Variants in RMND5B observed in about 807,000 individuals in gnomAD.
RMND5B encodes required for meiotic nuclear division 5 homolog B.
In RMND5B, 42 loss-of-function variants were observed where a neutral mutation model predicts 50.4. The observed-to-expected ratio is 0.83, with a 90% confidence interval of 0.65 to 1.08. The LOEUF (loss-of-function observed/expected upper bound fraction) is 1.08. RMND5B is among the 50% of genes least tolerant of loss of function. RMND5B has a pLI of 0.00. For synonymous variants in RMND5B, 220 were observed against 210.0 expected (o/e 1.05, Z -0.41); for missense variants, 463 against 508.5 (o/e 0.91, Z 0.86).
intron 7 of RMND5B, among the ~76,000 whole-genome samples, chr5:178,144,967 T>C (rs1755913051): frequency 6.6e-6 from 1 of 152,218 alleles, no homozygotes; most frequent in African/African-American, 2.4e-5. Flanking sequence ...TAGTAACCTG[T>C]ACTAACTTGT....
At position 178,138,054 on chromosome 5, in the gene RMND5B, G is replaced by T; in HGVS notation, c.-12-54G>T. ...TCTGAAGAGGTGGTCTGGGCACCCT[G>T]CCTGCCATGCCACCGTGGCCCAGAT... On this transcript the variant is annotated intron_variant, in intron 2 of 10. Transcript: ENST00000313386. The surrounding 1 kb of genome is among the most constrained non-coding windows in gnomAD (Gnocchi z 5.1). The T allele has an allele frequency of 6.6e-7, 1 of 1,516,882 alleles. No individual in the cohort carries two copies. Among genetic ancestry groups the T allele is most frequent in the Non-Finnish European group, 8.9e-7 (1 of 1,127,240 alleles). The allele number at this position is 1,516,882 out of a possible 1,614,324, so 94.0% of individuals were successfully genotyped here.
chr5:178,135,977 T>C (rs972771237), intron 2 of RMND5B: 1 of 152,260 alleles, frequency 6.6e-6, no homozygotes, highest in Non-Finnish European at 1.5e-5. Flanking sequence ...TAATGGTTGC[T>C]GTACACTCAT....
intron 3 of RMND5B, among the ~76,000 whole-genome samples, chr5:178,141,045 C>A (rs1758908472): frequency 6.6e-6 from 1 of 152,146 alleles, no homozygotes; most frequent in Non-Finnish European, 1.5e-5. Context: ...CTTCTCCTTT[C>A]ATTATTATCA....
intron 7 of RMND5B, among the ~76,000 whole-genome samples, chr5:178,144,595 C>T (rs543906873): frequency 2.0e-5 from 3 of 151,922 alleles, no homozygotes; most frequent in Non-Finnish European, 4.4e-5. Flanking sequence ...ATTAGCTGGG[C>T]GTTGTGGCGG....
At chr5:178,143,585 A>G in intron 5 of RMND5B, 42 bp from the exon 6 acceptor site, 1 of 1,453,702 alleles carries the variant, frequency 6.9e-7, no homozygotes, top group South Asian at 1.1e-5. Flanking sequence ...CTTTGGAAAC[A>G]CCATCTTCCA....
intron 2 of RMND5B, among the ~76,000 whole-genome samples, chr5:178,134,948 A>C (rs1389701503): frequency 6.7e-6 from 1 of 148,650 alleles, no homozygotes; most frequent in Non-Finnish European, 1.5e-5. Context: ...ACTGTATTCC[A>C]GCCTGGGCAA....
chr5:178,144,151 C>A, intron 7 of RMND5B, 43 bp downstream of exon 7: 4 of 1,595,668 alleles, frequency 2.5e-6, no homozygotes, highest in Non-Finnish European at 2.6e-6. Context: ...TGGCCTGACA[C>A]ATGTCTGGAT....
In RMND5B at chr5:178,137,823, G is replaced by A. The variant is rs116648334; in HGVS notation, c.-12-285G>A. The stretch of plus-strand genomic sequence containing the variant: ...TAAAAGGGAGATGAACAAAAATTAA[G>A]GCATGAAAAGAGTTGAAAATGGAAT... On this transcript the variant is annotated intron_variant, in intron 2 of 10. Coordinates refer to ENST00000313386, the MANE Select transcript of RMND5B (RefSeq NM_022762.5). This position sits in a 1 kb window ranked among gnomAD's most constrained non-coding sequence, Gnocchi z 4.4. Among the ~76,000 whole-genome samples the A allele has an allele frequency of 0.021, 3,133 of 152,118 alleles. 39 individuals carry two copies. The highest frequency in any genetic ancestry group is 0.061 in the Middle Eastern group (18 of 294).
chr5:178,149,372 G>C lies in RMND5B; in HGVS notation c.*1340G>C, dbSNP rs1756199611. ...ACCCTCTGAGTCCTTTGGGCTCTCTGCTGAGGAAGACTGCTTCACTCTTCC... is the reference window on the plus strand; with the variant it reads ...ACCCTCTGAGTCCTTTGGGCTCTCTCCTGAGGAAGACTGCTTCACTCTTCC... On this transcript the variant is annotated 3_prime_UTR_variant, in exon 11 of 11. Coordinates refer to ENST00000313386, the MANE Select transcript of RMND5B (RefSeq NM_022762.5). 2 of 328,686 alleles carry C rather than the reference G, an allele frequency of 6.1e-6. No individual in the cohort carries two copies. Among genetic ancestry groups the C allele is most frequent in the Admixed American group, 8.5e-5 (2 of 23,528 alleles). The allele number at this position is 328,686 out of a possible 1,614,324, so 20.4% of individuals were successfully genotyped here. A position where few individuals can be genotyped will look rare whatever the true frequency, so the allele number is the denominator to read the frequency against.
intron 3 of RMND5B, among the ~76,000 whole-genome samples, chr5:178,140,600 C>T (rs1581119765): frequency 1.3e-5 from 2 of 151,978 alleles, no homozygotes; most frequent in African/African-American, 2.4e-5. Context: ...GAGGCTGAGG[C>T]GGGCGGATCA....
chr5:178,147,327 G>A, intron 8 of RMND5B: 1 of 580,462 alleles, frequency 1.7e-6, no homozygotes, highest in Non-Finnish European at 3.1e-6. Context: ...AAATTTTGGG[G>A]TGCATTAGAA....
At chr5:178,135,411 C>T (rs899858193) in intron 2 of RMND5B, 3 of 158,242 alleles carry the variant, frequency 1.9e-5, no homozygotes, top group African/African-American at 7.2e-5. Context: ...GTGTGAGCCA[C>T]TGCTCCCAGC....
chr5:178,133,031 A>C lies in RMND5B; in HGVS notation c.-13+1655A>C, dbSNP rs534525360. 2.0e-5 allele frequency among the ~76,000 whole-genome samples: 3 copies of C among 151,558 alleles called. No homozygotes were observed. The South Asian group carries it at 6.3e-4, about 32-fold the overall frequency. On this transcript the variant is annotated intron_variant, in intron 2 of 10. Transcript: ENST00000313386. ...AGGCACGCACCACCACGCCCAGCTA[A>C]TTTTTGTATTTTTAGTAGAGACAGG...
At position 178,148,004 on chromosome 5, in the gene RMND5B, C is replaced by T. The variant is rs199910834; in HGVS notation, c.1154C>T (p.Pro385Leu). ...CCCTACTGTCCCATGGAGCAGAACC[C>T]GGCAGATGGGAAACGCATCATATTC... is the stretch of plus-strand genomic sequence containing the variant. ...KCPYCPMEQN[P>L]ADGKRIIF Residue 385 changes from proline (P) to leucine (L), a missense_variant, in exon 11 of 11, where the codon CCG becomes CTG. Transcript: ENST00000313386. The T allele has an allele frequency of 1.5e-5, 25 of 1,614,074 alleles. 1 individual carries two copies. Among genetic ancestry groups the T allele is most frequent in the South Asian group, 7.7e-5 (7 of 91,062 alleles).
In RMND5B at chr5:178,149,780, T is replaced by A; in HGVS notation, c.*1748T>A. 1.2e-6 allele frequency: 2 copies of A among 1,614,046 alleles called. No individual in the cohort carries two copies. Among genetic ancestry groups the A allele is most frequent in the Non-Finnish European group, 1.7e-6 (2 of 1,179,958 alleles). On this transcript the variant is annotated 3_prime_UTR_variant, in exon 11 of 11. Coordinates refer to ENST00000313386, the MANE Select transcript of RMND5B (RefSeq NM_022762.5). Reference sequence around the variant, plus strand: ...ATCGTAAGCCTCCTGGTACTCCTCATGGGGCTTGACCATTATCACACAGGT... The same window carrying A: ...ATCGTAAGCCTCCTGGTACTCCTCAAGGGGCTTGACCATTATCACACAGGT...
In RMND5B at chr5:178,147,414, T is replaced by C. The variant is rs189078180; in HGVS notation, c.861-119T>C. ...AATGTGAGGGATCTTTGAGGACCGA[T>C]TTGACCGTGCACCATTTTAGAGCCC... On this transcript the variant is annotated intron_variant, in intron 8 of 10. Transcript: ENST00000313386. 375 of 701,378 alleles carry C rather than the reference T, an allele frequency of 5.3e-4. 1 individual carries two copies. Among genetic ancestry groups the C allele is most frequent in the Non-Finnish European group, 6.6e-4 (269 of 410,194 alleles). The allele number at this position is 701,378 out of a possible 1,614,324, so 43.4% of individuals were successfully genotyped here. A position where few individuals can be genotyped will look rare whatever the true frequency, so the allele number is the denominator to read the frequency against.
At position 178,144,946 on chromosome 5, in the gene RMND5B, A is replaced by G. The variant is rs559666005; in HGVS notation, c.694+838A>G. On this transcript the variant is annotated intron_variant, in intron 7 of 10. Coordinates refer to ENST00000313386, the MANE Select transcript of RMND5B (RefSeq NM_022762.5). ...CAAACCTGGAATCTGAGTCTCACCT[A>G]TGCTTACAAGTAGTAACCTGTACTA... Among the ~76,000 whole-genome samples, 13 of 152,320 alleles carry G rather than the reference A, an allele frequency of 8.5e-5. No homozygotes were observed. In the South Asian group the frequency reaches 2.5e-3, roughly 29 times the overall value.
rs7380934 is a variant in RMND5B, at chr5:178,147,900, C to G, written c.1118+17C>G. The G allele has an allele frequency of 0.73, 1,179,264 of 1,613,702 alleles. 432,437 individuals carry two copies. The highest frequency in any genetic ancestry group is 0.82 in the Admixed American group (49,184 of 59,984). On this transcript the variant is annotated intron_variant, in intron 10 of 10. Transcript: ENST00000313386. ...TGGAGGAAAGTAAGTTCCCCGTGCT[C>G]TACTCCACCTTGGCTTGGCTCTCCT...
In RMND5B at chr5:178,146,134, A is replaced by ATGCC; in HGVS notation, c.715_716insTGCC (p.Ser239MetfsTer29). On this transcript the variant is annotated frameshift_variant, in exon 8 of 11. Coordinates refer to ENST00000313386, the MANE Select transcript of RMND5B (RefSeq NM_022762.5). LOFTEE classifies it high-confidence loss of function. ...TGTAGAGATCCAGGTGATGATGGGCAGCCTGGTGTACCTGCGGCTGGGCTT... is the reference window on the plus strand; with the variant it reads ...TGTAGAGATCCAGGTGATGATGGGCATGCCGCCTGGTGTACCTGCGGCTGGGCTT... 4 of 1,614,170 alleles carry ATGCC rather than the reference A, an allele frequency of 2.5e-6. No homozygotes were observed. The highest frequency in any genetic ancestry group is 3.4e-6 in the Non-Finnish European group (4 of 1,180,028).
Sources: gnomAD v4.1 joint callset for allele counts (sites outside exome capture counted in the v4.1 genomes callset) on GRCh38, gnomAD v4.1.1 for gene constraint, Gnocchi (gnomAD v3.1) non-coding constraint, MANE v1.5 for transcripts, NCBI Gene and HGNC (gene_info 2026-07-23, HGNC 2026-07-21) for gene names.